BANP: variants seen among roughly 807,000 people sequenced by gnomAD.
BANP encodes the protein protein BANP.
In BANP, 11 loss-of-function variants were observed where a neutral mutation model predicts 68.1. The observed-to-expected ratio is 0.16, with a 90% confidence interval of 0.10 to 0.27. BANP has a LOEUF of 0.27. Among genes scored for constraint, BANP ranks in the 10% least tolerant of loss-of-function variants. BANP has a pLI of 1.00. For missense variants in BANP, 504 were observed against 722.7 expected, an observed-to-expected ratio of 0.70 and a Z score of 3.47; for synonymous variants, 329 against 303.2, an observed-to-expected ratio of 1.09 and a Z score of -0.88.
chr16:87,993,219 A>T (rs977100067), intron 4 of BANP, among the ~76,000 whole-genome samples: 4 of 152,202 alleles, frequency 2.6e-5, no homozygotes, highest in African/African-American at 9.7e-5. Context: ...GTGGCTCTTC[A>T]GCATTTTCCA....
chr16:87,969,909 C>CTTTTTTTT (rs34640333), intron 1 of BANP: 1 of 117,328 alleles, frequency 8.5e-6, no homozygotes, highest in Admixed American at 8.8e-5. Context: ...GTTGATTGGT[C>CTTTTTTTT]TTTTTTTTTT....
At position 88,003,562 on chromosome 16, in the gene BANP, G is replaced by A. The variant is rs998482491; in HGVS notation, c.363-733G>A. Reference sequence around the variant, plus strand: ...TTAAAAACGCATGATTGAAAACTGTGGGTGAGTCTGTACTTTGAGATGAAG... The same window carrying A: ...TTAAAAACGCATGATTGAAAACTGTAGGTGAGTCTGTACTTTGAGATGAAG... On this transcript the variant is annotated intron_variant, in intron 4 of 13. Transcript: ENST00000682872. The surrounding 1 kb of genome is among the most constrained non-coding windows in gnomAD (Gnocchi z 6.1). 59 of 456,094 alleles carry A rather than the reference G, an allele frequency of 1.3e-4. No individual in the cohort carries two copies. Among genetic ancestry groups the A allele is most frequent in the Non-Finnish European group, 2.1e-4 (47 of 226,926 alleles). 28.3% of individuals were successfully genotyped at this position (456,094 alleles called of 1,614,324 possible).
Position 87,957,971 on chromosome 16 carries a change from G to T in BANP, c.-69+6456G>T, listed in dbSNP as rs969127577. Among the ~76,000 whole-genome samples the T allele has an allele frequency of 6.6e-6, 1 of 152,170 alleles. No individual in the cohort carries two copies. The highest frequency in any genetic ancestry group is 6.5e-5 in the Admixed American group (1 of 15,278). Reference sequence around the variant, plus strand: ...AGCAGAGTGCTGCCGCTGCCAGTCTGCGTTTTCTGCCGAAATGCGTCCCTG... The same window carrying T: ...AGCAGAGTGCTGCCGCTGCCAGTCTTCGTTTTCTGCCGAAATGCGTCCCTG... On this transcript the variant is annotated intron_variant, in intron 1 of 13. Coordinates refer to ENST00000682872, the MANE Select transcript of BANP (RefSeq NM_001386991.1). This position sits in a 1 kb window ranked among gnomAD's most constrained non-coding sequence, Gnocchi z 4.3.
chr16:87,951,266 C>A (rs2056785212), upstream of BANP, among the ~76,000 whole-genome samples: 1 of 152,194 alleles, frequency 6.6e-6, no homozygotes. Flanking sequence ...CCGGTACCGT[C>A]GCGGAAGAAG....
intron 12 of BANP, among the ~76,000 whole-genome samples, chr16:88,069,294 A>G (rs999716567): frequency 2.6e-5 from 4 of 152,212 alleles, no homozygotes; most frequent in Non-Finnish European, 2.9e-5. Flanking sequence ...CAGCTCATTG[A>G]CCTGCCTTTT....
intron 12 of BANP, among the ~76,000 whole-genome samples, chr16:88,068,973 G>GCCCAGCCCCCTGCCCCTGCA (rs1290223063): frequency 7.3e-5 from 11 of 151,724 alleles, no homozygotes; most frequent in African/African-American, 2.7e-4. Context: ...CGTGCACCCA[G>GCCCAGCCCCCTGCCCCTGCA]CCCAGCCCCC....
chr16:87,972,143 CTGTCT>C (rs990444741), intron 1 of BANP, among the ~76,000 whole-genome samples: 28 of 152,148 alleles, frequency 1.8e-4, no homozygotes, highest in Non-Finnish European at 3.8e-4. Flanking sequence ...TCTTCTTTTC[CTGTCT>C]TATGTGCTAC....
intron 1 of BANP, among the ~76,000 whole-genome samples, chr16:87,973,526 C>T (rs1214836952): frequency 7.2e-5 from 11 of 152,110 alleles, no homozygotes; most frequent in East Asian, 1.9e-4. Flanking sequence ...CTTGGGAGGC[C>T]GAGGCATGCG....
chr16:88,075,935 G>A (rs1252973261), intron 13 of BANP, among the ~76,000 whole-genome samples: 1 of 151,834 alleles, frequency 6.6e-6, no homozygotes, highest in Non-Finnish European at 1.5e-5. Flanking sequence ...TTGTAGAGAC[G>A]AGGTTTCACC....
chr16:88,069,436 T>C (rs1157472532), intron 12 of BANP, among the ~76,000 whole-genome samples: 1 of 152,194 alleles, frequency 6.6e-6, no homozygotes, highest in East Asian at 1.9e-4. Context: ...GCCCGAGCCC[T>C]CCCCTCACAG....
chr16:87,966,589 C>T (rs2060061414), intron 1 of BANP: 1 of 152,182 alleles, frequency 6.6e-6, no homozygotes. Flanking sequence ...GTGTGGTGTC[C>T]TCATTTGGAA....
Position 88,057,602 on chromosome 16 carries a change from C to T in BANP, c.1312-7665C>T, listed in dbSNP as rs1013189721. On this transcript the variant is annotated intron_variant, in intron 11 of 13. Transcript: ENST00000682872. The surrounding 1 kb of genome is among the most constrained non-coding windows in gnomAD (Gnocchi z 4.6). ...AAATGCAGGCACTCTGACTGGCCCA[C>T]GTTGTGTAAAATTGGAAGAATGTTC... Among the ~76,000 whole-genome samples, 4 of 152,102 alleles carry T rather than the reference C, an allele frequency of 2.6e-5. No individual in the cohort carries two copies. Among genetic ancestry groups the T allele is most frequent in the African/African-American group, 7.2e-5 (3 of 41,406 alleles).
intron 1 of BANP, among the ~76,000 whole-genome samples, chr16:87,963,141 C>G (rs1303501162): frequency 6.6e-6 from 1 of 152,074 alleles, no homozygotes; most frequent in African/African-American, 2.4e-5. Context: ...GCCTGGGAGT[C>G]TCCACACAGA....
At chr16:88,008,911 A>G (rs1048243998) in intron 6 of BANP, among the ~76,000 whole-genome samples, 4 of 152,216 alleles carry the variant, frequency 2.6e-5, no homozygotes, top group South Asian at 2.1e-4. Context: ...AGGAGGAAAC[A>G]TTTTTTGTAA....
intron 6 of BANP, among the ~76,000 whole-genome samples, chr16:88,011,397 G>A (rs578112749): frequency 2.6e-5 from 4 of 152,098 alleles, no homozygotes; most frequent in Non-Finnish European, 4.4e-5. Flanking sequence ...GAGCTCAGCC[G>A]CCGACTGGTG....
intron 4 of BANP, among the ~76,000 whole-genome samples, chr16:87,998,178 T>G (rs150141932): frequency 6.6e-6 from 1 of 152,184 alleles, no homozygotes; most frequent in African/African-American, 2.4e-5. Context: ...CTAGGGACTT[T>G]GGGAGACATC....
At chr16:87,989,374 G>C (rs2152488312) in intron 4 of BANP, among the ~76,000 whole-genome samples, 1 of 152,370 alleles carries the variant, frequency 6.6e-6, no homozygotes, top group East Asian at 1.9e-4. Context: ...AGTGTGGACA[G>C]TTCGGTTGGT....
At chr16:88,025,283 AG>A (rs138883939) in intron 7 of BANP, among the ~76,000 whole-genome samples, 13,891 of 152,130 alleles carry the variant, frequency 0.091, 805 homozygotes, top group East Asian at 0.21. Context: ...CTCTCCTGTA[AG>A]GATTTCCTAG....
At chr16:88,012,113 T>C (rs1380164381) in intron 6 of BANP, among the ~76,000 whole-genome samples, 1 of 152,250 alleles carries the variant, frequency 6.6e-6, no homozygotes, top group Admixed American at 6.5e-5. Flanking sequence ...CATAGAATTC[T>C]TATTCTCTAC....
Sources: gnomAD v4.1 joint callset for allele counts (sites outside exome capture counted in the v4.1 genomes callset) on GRCh38, gnomAD v4.1.1 for gene constraint, Gnocchi (gnomAD v3.1) non-coding constraint, MANE v1.5 for transcripts, NCBI Gene and HGNC (gene_info 2026-07-23, HGNC 2026-07-21) for gene names.